Variants in MAGEC3 observed in about 807,000 individuals in gnomAD.
MAGEC3 encodes the protein MAGE family member C3.
MAGEC3 carries 34 observed loss-of-function variants against 35.3 expected under a neutral mutation model. That is an observed-to-expected ratio of 0.96 (90% CI 0.73 to 1.28). MAGEC3 has a LOEUF of 1.28. Among genes scored for constraint, MAGEC3 ranks in the 50% most tolerant of loss-of-function variants. The pLI is 0.00. For synonymous variants in MAGEC3, 202 were observed against 185.6 expected, an observed-to-expected ratio of 1.09 and a Z score of -0.72; for missense variants, 561 against 483.6, an observed-to-expected ratio of 1.16 and a Z score of -1.50.
chrX:141,882,965 G>A (rs2017977211), intron 4 of MAGEC3, among the ~76,000 whole-genome samples: 1 of 111,821 alleles, frequency 8.9e-6, no homozygotes, highest in Non-Finnish European at 1.9e-5. Flanking sequence ...TATGAAGCTG[G>A]GTGGTGGCAG....
chrX:141,869,597 C>G (rs2017874481), intron 2 of MAGEC3, among the ~76,000 whole-genome samples: 1 of 111,995 alleles, frequency 8.9e-6, no homozygotes, highest in African/African-American at 3.2e-5. Context: ...TTCATGAGTT[C>G]TGTACATTTT....
chrX:141,839,459 A>G, intron 1 of MAGEC3: 4 of 752,733 alleles, frequency 5.3e-6, no homozygotes, highest in Non-Finnish European at 6.3e-6. Flanking sequence ...AGCTTCATTC[A>G]CTCTGCTGTC....
At chrX:141,843,631 C>T (rs1244244451) in intron 1 of MAGEC3, among the ~76,000 whole-genome samples, 1 of 110,732 alleles carries the variant, frequency 9.0e-6, no homozygotes, top group Non-Finnish European at 1.9e-5. Context: ...CAGACATTCT[C>T]TTAAGAAATT....
At chrX:141,879,914 T>C (rs775722248) in intron 3 of MAGEC3, among the ~76,000 whole-genome samples, 1 of 110,625 alleles carries the variant, frequency 9.0e-6, no homozygotes, top group South Asian at 3.9e-4. Context: ...AGGTGCCAGC[T>C]CTCTAGGGAA....
At chrX:141,843,112 A>G (rs2017695699) in intron 1 of MAGEC3, among the ~76,000 whole-genome samples, 1 of 112,585 alleles carries the variant, frequency 8.9e-6, no homozygotes, top group African/African-American at 3.2e-5. Flanking sequence ...AAAACGCTTT[A>G]TCATGTAAAT....
intron 1 of MAGEC3, among the ~76,000 whole-genome samples, chrX:141,854,420 T>C (rs1285833452): frequency 1.8e-5 from 2 of 111,138 alleles, no homozygotes; most frequent in Non-Finnish European, 3.8e-5. Flanking sequence ...CCTGCCTAAA[T>C]CTCATCTTGA....
At chrX:141,897,540 T>C (rs369675167) in intron 7 of MAGEC3, 54 bp downstream of exon 7, 8 of 1,194,655 alleles carry the variant, frequency 6.7e-6, no homozygotes, top group Admixed American at 4.5e-5. Context: ...AGCTGCTCAC[T>C]ATACATTGGG....
chrX:141,886,895 TGGA>T (rs773480758), intron 4 of MAGEC3, among the ~76,000 whole-genome samples: 3 of 111,947 alleles, frequency 2.7e-5, no homozygotes, highest in Non-Finnish European at 5.6e-5. Context: ...GGAGGGATTG[TGGA>T]GATGAGTGCC....
intron 1 of MAGEC3, among the ~76,000 whole-genome samples, chrX:141,851,269 A>C (rs2017749279): frequency 1.8e-5 from 2 of 110,291 alleles, no homozygotes; most frequent in Non-Finnish European, 1.9e-5. Context: ...ATGGTAGGTA[A>C]ATTGATGATG....
intron 4 of MAGEC3, among the ~76,000 whole-genome samples, chrX:141,893,715 G>C (rs1487516799): frequency 2.3e-5 from 1 of 42,968 alleles, no homozygotes; most frequent in Non-Finnish European, 4.6e-5. Flanking sequence ...GGCAGGAATT[G>C]GGGGGGGGGG....
intron 1 of MAGEC3, chrX:141,839,378 T>G: frequency 1.4e-6 from 1 of 725,384 alleles, no homozygotes; most frequent in Non-Finnish European, 1.6e-6. Flanking sequence ...TTAAAGGTTT[T>G]TAAATATTTT....
At chrX:141,895,672 T>A in intron 6 of MAGEC3, 113 bp downstream of exon 6, 1 of 609,853 alleles carries the variant, frequency 1.6e-6, no homozygotes, top group Non-Finnish European at 2.2e-6. Flanking sequence ...TCAGCCCTCG[T>A]AGAGCTCCTC....
At chrX:141,881,345 G>C in intron 3 of MAGEC3, 58 bp from the exon 4 acceptor site, 2 of 1,143,971 alleles carry the variant, frequency 1.7e-6, no homozygotes, top group Non-Finnish European at 2.3e-6. Flanking sequence ...ACTTTATGAA[G>C]CCCATTCAAT....
At chrX:141,862,297 G>A (rs907843413) in intron 1 of MAGEC3, among the ~76,000 whole-genome samples, 1 of 111,746 alleles carries the variant, frequency 8.9e-6, no homozygotes, top group African/African-American at 3.3e-5. Flanking sequence ...ATGCTGGTGA[G>A]GATGTGGGAA....
chrX:141,883,186 G>A (rs1490982925), intron 4 of MAGEC3, among the ~76,000 whole-genome samples: 2 of 112,225 alleles, frequency 1.8e-5, no homozygotes, highest in Admixed American at 9.4e-5. Context: ...GAAATAAGGC[G>A]ATAATTCCTT....
intron 4 of MAGEC3, among the ~76,000 whole-genome samples, chrX:141,882,434 A>G (rs1050991562): frequency 6.2e-5 from 7 of 112,166 alleles, no homozygotes; most frequent in African/African-American, 2.3e-4. Flanking sequence ...AAAAAATGGA[A>G]AAAGCTTGTC....
intron 1 of MAGEC3, among the ~76,000 whole-genome samples, chrX:141,851,141 C>A (rs1008860867): frequency 1.8e-5 from 2 of 110,724 alleles, no homozygotes; most frequent in African/African-American, 6.5e-5. Context: ...TGTGATTCTT[C>A]AGTTTTCCTT....
At chrX:141,876,187 A>G (rs2017919109) in intron 2 of MAGEC3, among the ~76,000 whole-genome samples, 1 of 112,128 alleles carries the variant, frequency 8.9e-6, no homozygotes, top group Admixed American at 9.4e-5. Flanking sequence ...TTAAGTCAGT[A>G]AAGTATTTGT....
intron 4 of MAGEC3, among the ~76,000 whole-genome samples, chrX:141,887,170 C>T (rs1207546916): frequency 8.9e-6 from 1 of 112,639 alleles, no homozygotes; most frequent in African/African-American, 3.2e-5. Flanking sequence ...CCATAAGTCC[C>T]ACCAGAAGCA....
Sources: gnomAD v4.1 joint callset for allele counts (sites outside exome capture counted in the v4.1 genomes callset) on GRCh38, gnomAD v4.1.1 for gene constraint, MANE v1.5 for transcripts, NCBI Gene and HGNC (gene_info 2026-07-23, HGNC 2026-07-21) for gene names.